The following RALYL variants were observed in gnomAD, a reference collection of about 807,000 sequenced individuals.
The protein encoded by RALYL is RALY RNA binding protein like.
A neutral mutation model predicts 35.1 loss-of-function variants in RALYL; 29 were observed. That is an observed-to-expected ratio of 0.83 (90% CI 0.61 to 1.13). RALYL has a LOEUF of 1.13. RALYL is among the 50% of genes most tolerant of loss of function. The probability of loss-of-function intolerance (pLI) is 0.00; values close to 1 mark genes in which losing one functional copy is unlikely to be tolerated. For missense variants in RALYL, 359 were observed against 360.4 expected (o/e 1.00, Z 0.03); for synonymous variants, 120 against 127.6 (o/e 0.94, Z 0.40).
At chr8:84,323,830 A>G (rs147252770) in intron 1 of RALYL, among the ~76,000 whole-genome samples, 312 of 152,218 alleles carry the variant, frequency 2.0e-3, no homozygotes, top group African/African-American at 6.4e-3. Flanking sequence ...TAAATATGCC[A>G]TCTTACAATG....
At chr8:84,621,569 C>T (rs545736132) in intron 2 of RALYL, among the ~76,000 whole-genome samples, 12 of 150,678 alleles carry the variant, frequency 8.0e-5, no homozygotes, top group Non-Finnish European at 1.5e-4. Context: ...GCGTCGCTCA[C>T]GCTGGGAGCT....
chr8:84,436,403 A>G (rs1192385524), intron 1 of RALYL, among the ~76,000 whole-genome samples: 4 of 152,108 alleles, frequency 2.6e-5, no homozygotes, highest in African/African-American at 9.7e-5. Flanking sequence ...TACTACATAT[A>G]TAAGGCAGCC....
chr8:84,246,392 T>C (rs1033499654), intron 1 of RALYL, among the ~76,000 whole-genome samples: 12 of 152,132 alleles, frequency 7.9e-5, no homozygotes, highest in Non-Finnish European at 1.5e-4. Flanking sequence ...CAAATCATAA[T>C]AATTTGCAAG....
intron 1 of RALYL, among the ~76,000 whole-genome samples, chr8:84,526,080 T>C (rs2058873240): frequency 6.6e-6 from 1 of 151,016 alleles, no homozygotes; most frequent in African/African-American, 2.4e-5. Flanking sequence ...GCCTTCCGAG[T>C]AGCTGGGATT....
At chr8:84,802,618 G>GAA (rs983366920) in intron 3 of RALYL, among the ~76,000 whole-genome samples, 2 of 152,048 alleles carry the variant, frequency 1.3e-5, no homozygotes, top group African/African-American at 2.4e-5. Flanking sequence ...GAGAGAGAGA[G>GAA]AAATCAATCA....
intron 3 of RALYL, among the ~76,000 whole-genome samples, chr8:84,782,318 T>C (rs1310493904): frequency 6.6e-6 from 1 of 152,122 alleles, no homozygotes; most frequent in East Asian, 1.9e-4. Context: ...AGCTTCTAAG[T>C]CTAGAAGAAA....
intron 2 of RALYL, among the ~76,000 whole-genome samples, chr8:84,743,440 A>G (rs1400831679): frequency 3.4e-5 from 5 of 148,850 alleles, no homozygotes; most frequent in African/African-American, 9.8e-5. Context: ...ACCACCAACA[A>G]AAAAAAAAAG....
At chr8:84,631,380 G>A (rs1588636760) in intron 2 of RALYL, among the ~76,000 whole-genome samples, 1 of 152,000 alleles carries the variant, frequency 6.6e-6, no homozygotes, top group South Asian at 2.1e-4. Flanking sequence ...TTAGTGTTTG[G>A]AAATTGAAGA....
intron 2 of RALYL, among the ~76,000 whole-genome samples, chr8:84,664,522 C>T (rs551384240): frequency 1.3e-5 from 2 of 151,820 alleles, no homozygotes; most frequent in African/African-American, 4.8e-5. Context: ...GTTTGTGGTT[C>T]TCCTTGTAGA....
intron 1 of RALYL, among the ~76,000 whole-genome samples, chr8:84,220,777 G>A (rs934317295): frequency 6.6e-6 from 1 of 151,786 alleles, no homozygotes; most frequent in African/African-American, 2.4e-5. Context: ...AAAATTAAAT[G>A]GAAGTAGTAC....
At chr8:84,723,322 A>G (rs1255167468) in intron 2 of RALYL, among the ~76,000 whole-genome samples, 1 of 152,026 alleles carries the variant, frequency 6.6e-6, no homozygotes, top group Non-Finnish European at 1.5e-5. Context: ...TTTAATAAGT[A>G]TAAATCTTAC....
At chr8:84,748,938 T>A (rs1438934499) in intron 2 of RALYL, among the ~76,000 whole-genome samples, 3 of 152,122 alleles carry the variant, frequency 2.0e-5, no homozygotes, top group African/African-American at 7.2e-5. Context: ...GCAACTAAAG[T>A]TCCCCTAACA....
chr8:84,532,219 G>GT (rs1206973561), intron 2 of RALYL, among the ~76,000 whole-genome samples: 1 of 151,830 alleles, frequency 6.6e-6, no homozygotes, highest in Admixed American at 6.6e-5. Flanking sequence ...ATACCCAGCG[G>GT]TTTTTTTGTT....
chr8:84,478,483 A>G (rs2053664721), intron 1 of RALYL, among the ~76,000 whole-genome samples: 2 of 152,196 alleles, frequency 1.3e-5, no homozygotes, highest in South Asian at 4.1e-4. Flanking sequence ...TATACTAATC[A>G]CTTTCTGCAC....
intron 1 of RALYL, among the ~76,000 whole-genome samples, chr8:84,374,160 T>C (rs1033243461): frequency 6.6e-6 from 1 of 151,968 alleles, no homozygotes; most frequent in African/African-American, 2.4e-5. Flanking sequence ...CAAAGAGTGA[T>C]GGTTTGACTT....
intron 1 of RALYL, among the ~76,000 whole-genome samples, chr8:84,326,616 C>T (rs111693945): frequency 0.027 from 4,132 of 152,008 alleles, 102 homozygotes; most frequent in Non-Finnish European, 0.031. Context: ...TAAATACATA[C>T]GTTTATATTT....
chr8:84,322,889 T>C (rs960976535), intron 1 of RALYL, among the ~76,000 whole-genome samples: 2 of 152,112 alleles, frequency 1.3e-5, no homozygotes, highest in Admixed American at 6.5e-5. Context: ...ATATCCCACG[T>C]TGATCACTTC....
intron 2 of RALYL, among the ~76,000 whole-genome samples, chr8:84,615,850 G>T (rs1390901283): frequency 2.0e-5 from 2 of 100,628 alleles, no homozygotes; most frequent in Non-Finnish European, 1.9e-5. Context: ...GCGGTGTTTG[G>T]TTTTTTGTTC....
At chr8:84,729,270 CTGTT>C (rs960117271) in intron 2 of RALYL, among the ~76,000 whole-genome samples, 194 of 152,114 alleles carry the variant, frequency 1.3e-3, no homozygotes, top group African/African-American at 4.0e-3. Context: ...ATTTGGCTGT[CTGTT>C]TGTCTGTTCT....
Sources: gnomAD v4.1 joint callset for allele counts (sites outside exome capture counted in the v4.1 genomes callset) on GRCh38, gnomAD v4.1.1 for gene constraint, MANE v1.5 for transcripts, NCBI Gene and HGNC (gene_info 2026-07-23, HGNC 2026-07-21) for gene names.